The following MUSK variants were observed in gnomAD, a reference collection of about 807,000 sequenced individuals.
The protein encoded by MUSK is muscle, skeletal receptor tyrosine-protein kinase.
In MUSK, 55 loss-of-function variants were observed where a neutral mutation model predicts 88.7. That is an observed-to-expected ratio of 0.62 (90% CI 0.50 to 0.78). MUSK has a LOEUF of 0.78. Among genes scored for constraint, MUSK ranks in the 30% least tolerant of loss-of-function variants. The pLI, the probability that MUSK is intolerant of heterozygous loss-of-function variation, is 0.00. For missense variants in MUSK, 1,015 were observed against 1,074.3 expected (o/e 0.94, Z 0.77); for synonymous variants, 387 against 391.9 (o/e 0.99, Z 0.15).
intron 14 of MUSK, among the ~76,000 whole-genome samples, chr9:110,798,498 T>C (rs2078046201): frequency 6.6e-6 from 1 of 152,156 alleles, no homozygotes; most frequent in African/African-American, 2.4e-5. Context: ...ATTGAAGATG[T>C]CATGCTAAAG....
intron 5 of MUSK, among the ~76,000 whole-genome samples, chr9:110,727,029 A>T (rs1219863105): frequency 6.6e-6 from 1 of 151,920 alleles, no homozygotes; most frequent in East Asian, 1.9e-4. Flanking sequence ...CGAATATTGT[A>T]AAAAAAAGAT....
intron 3 of MUSK, among the ~76,000 whole-genome samples, chr9:110,695,086 C>G (rs1055112043): frequency 1.3e-4 from 20 of 152,062 alleles, no homozygotes; most frequent in African/African-American, 4.8e-4. Context: ...GCTATGGTGA[C>G]AGTCTATGTT....
chr9:110,693,541 G>T (rs1008362470), intron 3 of MUSK, among the ~76,000 whole-genome samples: 11 of 152,162 alleles, frequency 7.2e-5, no homozygotes, highest in African/African-American at 2.4e-4. Flanking sequence ...CTGCTTTAAG[G>T]TGACCAGTTC....
At chr9:110,771,384 C>G (rs1172044080) in intron 9 of MUSK, among the ~76,000 whole-genome samples, 1 of 152,008 alleles carries the variant, frequency 6.6e-6, no homozygotes, top group Non-Finnish European at 1.5e-5. Flanking sequence ...GCCACCGCGC[C>G]CAGCCCTCTT....
At position 110,682,390 on chromosome 9, in the gene MUSK, A is replaced by ACACT. The variant is rs5899911; in HGVS notation, c.80-282_80-281insCTCA. On this transcript the variant is annotated intron_variant, in intron 1 of 14. Coordinates refer to ENST00000374448, the MANE Select transcript of MUSK (RefSeq NM_005592.4). ...ATTTTATATTTTTTCTTTAAAAAGT[A>ACACT]CAAATTGCACAAACTTGGGCCCCAT... Among the ~76,000 whole-genome samples the ACACT allele has an allele frequency of 0.7, 105,641 of 151,370 alleles. 38,273 individuals carry two copies. Among genetic ancestry groups the ACACT allele is most frequent in the African/African-American group, 0.87 (36,048 of 41,324 alleles).
chr9:110,736,914 C>T (rs2077036635), intron 6 of MUSK, among the ~76,000 whole-genome samples: 1 of 151,916 alleles, frequency 6.6e-6, no homozygotes, highest in Non-Finnish European at 1.5e-5. Flanking sequence ...ATTATGTGGA[C>T]TATTTAACTT....
At chr9:110,722,810 G>C (rs1260513598) in intron 5 of MUSK, among the ~76,000 whole-genome samples, 1 of 152,034 alleles carries the variant, frequency 6.6e-6, no homozygotes, top group Non-Finnish European at 1.5e-5. Flanking sequence ...CTAATTATCA[G>C]GGAAATGCAA....
intron 8 of MUSK, among the ~76,000 whole-genome samples, chr9:110,764,599 TAGATTAGATAGATAGA>T (rs1371978845): frequency 4.9e-5 from 7 of 141,528 alleles, no homozygotes; most frequent in South Asian, 2.2e-4. Context: ...GATAGATAGA[TAGATTAGATAGATAGA>T]TAGATAGATA....
intron 4 of MUSK, among the ~76,000 whole-genome samples, chr9:110,695,817 A>AT (rs1004606243): frequency 1.5e-4 from 22 of 151,214 alleles, no homozygotes; most frequent in East Asian, 5.8e-4. Flanking sequence ...TAAATCATTT[A>AT]TTTTTTTTTA....
rs1053760155 is a variant in MUSK at position 110,801,912 on chromosome 9, T to C, written c.*924T>C. Among the ~76,000 whole-genome samples the C allele has an allele frequency of 7.2e-5, 11 of 152,210 alleles. No individual in the cohort carries two copies. The highest frequency in any genetic ancestry group is 3.3e-4 in the Admixed American group (5 of 15,282). Reference sequence around the variant, plus strand: ...AATAATAACATTTTAAATACCATTGTAGATTGATATGTATATGCCTTTTGC... The same window carrying C: ...AATAATAACATTTTAAATACCATTGCAGATTGATATGTATATGCCTTTTGC... On this transcript the variant is annotated 3_prime_UTR_variant, in exon 15 of 15. Transcript: ENST00000374448.
In MUSK at chr9:110,690,834, A is replaced by T. The variant is rs184997033; in HGVS notation, c.358+3566A>T. Reference sequence around the variant, plus strand: ...AATATAAGTATATATATAAATATATATAAATATAAGTATATATATAAATAT... The same window carrying T: ...AATATAAGTATATATATAAATATATTTAAATATAAGTATATATATAAATAT... On this transcript the variant is annotated intron_variant, in intron 3 of 14. Coordinates refer to ENST00000374448, the MANE Select transcript of MUSK (RefSeq NM_005592.4). Among the ~76,000 whole-genome samples the T allele has an allele frequency of 9.3e-3, 1,098 of 118,658 alleles. 45 individuals are homozygous for T. Among genetic ancestry groups the T allele is most frequent in the Admixed American group, 0.042 (427 of 10,134 alleles). The allele number at this position is 118,658 out of a possible 152,430, so 77.8% of individuals were successfully genotyped here. A position where few individuals can be genotyped will look rare whatever the true frequency, so the allele number is the denominator to read the frequency against.
chr9:110,787,600 G>A, intron 13 of MUSK, 90 bp from the exon 14 acceptor site: 5 of 1,318,216 alleles, frequency 3.8e-6, no homozygotes, highest in African/African-American at 1.5e-5. Flanking sequence ...TTTACACAGG[G>A]GAGGTGGGAG....
rs2078137152 is a variant in MUSK, at chr9:110,804,559, C to CA, written c.*3572dup. Among the ~76,000 whole-genome samples the CA allele has an allele frequency of 6.6e-6, 1 of 151,942 alleles. No individual in the cohort carries two copies. The highest frequency in any genetic ancestry group is 2.4e-5 in the African/African-American group (1 of 41,414). ...CAGTTTTTATTTTGGCAATTGTCTA[C>CA]AGCCCATTTTTCTGCTGTGTTCATT... On this transcript the variant is annotated 3_prime_UTR_variant, in exon 15 of 15. Transcript: ENST00000374448.
At chr9:110,753,166 C>G (rs1160020937) in intron 7 of MUSK, among the ~76,000 whole-genome samples, 1 of 152,150 alleles carries the variant, frequency 6.6e-6, no homozygotes, top group Non-Finnish European at 1.5e-5. Flanking sequence ...TGTGGTGACT[C>G]ACACCTGTAA....
rs2078147387 is a variant in MUSK at position 110,805,244 on chromosome 9, C to A, written c.*4256C>A. ...TTAAAGGATAAATGCACTTTTAATACTTTTTAAATATATTAAAAAATTACC... is the reference window on the plus strand; with the variant it reads ...TTAAAGGATAAATGCACTTTTAATAATTTTTAAATATATTAAAAAATTACC... On this transcript the variant is annotated 3_prime_UTR_variant, in exon 15 of 15. Transcript: ENST00000374448. Among the ~76,000 whole-genome samples, 1 of 151,796 alleles carries A rather than the reference C, an allele frequency of 6.6e-6. No homozygotes were observed. Among genetic ancestry groups the A allele is most frequent in the Non-Finnish European group, 1.5e-5 (1 of 67,772 alleles).
In MUSK at chr9:110,668,911, G is replaced by A. The variant is rs762340994; in HGVS notation, c.7G>A (p.Glu3Lys). 17 of 1,613,384 alleles carry A rather than the reference G, an allele frequency of 1.1e-5. No homozygotes were observed. Among genetic ancestry groups the A allele is most frequent in the South Asian group, 7.7e-5 (7 of 91,076 alleles). Residue 3 changes from glutamate to lysine, a missense_variant, in exon 1 of 15, where the codon GAG (glutamate) becomes AAG (lysine). By Grantham distance (56) the Glu-to-Lys change is moderately conservative (BLOSUM62 1). Coordinates refer to ENST00000374448, the MANE Select transcript of MUSK (RefSeq NM_005592.4). ...GCGTGAGCCTGGATTAATCATGAGA[G>A]AGCTCGTCAACATTCCACTGGTACA... MR[E>K]LVNIPLVHIL...
intron 7 of MUSK, among the ~76,000 whole-genome samples, chr9:110,761,351 A>G (rs1184420929): frequency 6.6e-6 from 1 of 152,074 alleles, no homozygotes; most frequent in African/African-American, 2.4e-5. Context: ...GGGAGAGCAG[A>G]ACATTAAATT....
rs535078361 is a variant in MUSK, at chr9:110,698,836, A to G, written c.628+1370A>G. Among the ~76,000 whole-genome samples, 5 of 152,302 alleles carry G rather than the reference A, an allele frequency of 3.3e-5. No individual in the cohort carries two copies. In the South Asian group the frequency reaches 1.0e-3, roughly 32 times the overall value. ...AACCAGTTGATATGATTTATTCAGT[A>G]AAAACTAAATAAACCTACAAACCCA... On this transcript the variant is annotated intron_variant, in intron 5 of 14. Transcript: ENST00000374448.
chr9:110,785,703 G>T lies in MUSK; in HGVS notation c.1763G>T (p.Arg588Met). The change falls in exon 13 of 15, where the codon AGG becomes ATG. Residue 588 changes from arginine (R) to methionine (M), a missense_variant. Arg to Met is a moderately conservative substitution (Grantham distance 91, BLOSUM62 -1). Transcript: ENST00000374448. Reference sequence around the variant, plus strand: ...GACATCGGAGAGGGAGCGTTTGGAAGGGTGTTTCAAGCAAGGTAAAGTTAC... The same window carrying T: ...GACATCGGAGAGGGAGCGTTTGGAATGGTGTTTCAAGCAAGGTAAAGTTAC... ...VRDIGEGAFG[R>M]VFQARAPGLL... 6.2e-7 allele frequency: 1 copy of T among 1,602,818 alleles called. No individual in the cohort carries two copies. Among genetic ancestry groups the T allele is most frequent in the South Asian group, 1.1e-5 (1 of 88,602 alleles).
Sources: gnomAD v4.1 joint callset for allele counts (sites outside exome capture counted in the v4.1 genomes callset) on GRCh38, gnomAD v4.1.1 for gene constraint, MANE v1.5 for transcripts, NCBI Gene and HGNC (gene_info 2026-07-23, HGNC 2026-07-21) for gene names.